Variants in CASK observed in about 807,000 individuals in gnomAD.
CASK encodes the protein calcium/calmodulin dependent serine protein kinase.
Under a neutral mutation model 82.9 loss-of-function variants are expected in CASK, and 4 were observed. That is an observed-to-expected ratio of 0.05 (90% CI 0.02 to 0.11). CASK has a LOEUF of 0.11. Among genes scored for constraint, CASK ranks in the 10% least tolerant of loss-of-function variants. CASK has a pLI of 1.00. For synonymous variants in CASK, 259 were observed against 253.5 expected (o/e 1.02, Z -0.20); for missense variants, 358 against 720.9 (o/e 0.50, Z 5.76).
At chrX:41,763,523 T>C (rs1482937334) in intron 3 of CASK, among the ~76,000 whole-genome samples, 3 of 110,078 alleles carry the variant, frequency 2.7e-5, no homozygotes, top group African/African-American at 9.9e-5. Flanking sequence ...ATTATCCGCG[T>C]GTGGTAGCGT....
chrX:41,740,902 G>T (rs1469268805), intron 4 of CASK, among the ~76,000 whole-genome samples: 1 of 111,975 alleles, frequency 8.9e-6, no homozygotes, highest in Non-Finnish European at 1.9e-5. Context: ...TATTTTTTGA[G>T]ATGGAGTTTC....
At position 41,626,599 on chromosome X, in the gene CASK, A is replaced by G. The variant is rs779564132; in HGVS notation, c.1015+5T>C. ...CACAGGTGAATAAGTGAATTATCCAATTACCTGAGGAGGTAGGGTCTTCGG... is the reference window on the plus strand; with the variant it reads ...CACAGGTGAATAAGTGAATTATCCAGTTACCTGAGGAGGTAGGGTCTTCGG... On this transcript the variant is annotated splice_donor_5th_base_variant and intron_variant, in intron 10 of 26. Coordinates refer to ENST00000378163, the MANE Select transcript of CASK (RefSeq NM_001367721.1). 1 of 1,109,068 alleles carries G rather than the reference A, an allele frequency of 9.0e-7. No individual in the cohort carries two copies. Among genetic ancestry groups the G allele is most frequent in the East Asian group, 3.0e-5 (1 of 33,402 alleles). The allele number at this position is 1,109,068 out of a possible 1,213,427, so 91.4% of individuals were successfully genotyped here. A position where few individuals can be genotyped will look rare whatever the true frequency, so the allele number is the denominator to read the frequency against.
chrX:41,919,314 A>G (rs1416379919), intron 1 of CASK: 4 of 112,037 alleles, frequency 3.6e-5, no homozygotes, highest in Non-Finnish European at 7.5e-5. Context: ...ATGCTGCATC[A>G]TTCCAATTTT....
chrX:41,717,342 A>C (rs953624945), intron 5 of CASK, among the ~76,000 whole-genome samples: 3 of 112,166 alleles, frequency 2.7e-5, no homozygotes, highest in Non-Finnish European at 5.6e-5. Context: ...GGCACCGAAA[A>C]TTTATTTCTA....
chrX:41,904,504 T>C (rs760450762), intron 1 of CASK, among the ~76,000 whole-genome samples: 7 of 112,385 alleles, frequency 6.2e-5, no homozygotes, highest in Non-Finnish European at 1.3e-4. Context: ...AAAACACTGC[T>C]GAGAGAAATT....
At chrX:41,743,462 T>TCTAC (rs2068629957) in intron 4 of CASK, 1 of 277,852 alleles carries the variant, frequency 3.6e-6, no homozygotes, top group Non-Finnish European at 6.3e-6. Flanking sequence ...TAGCTTTAGT[T>TCTAC]CTACCGCGTA....
intron 8 of CASK, among the ~76,000 whole-genome samples, chrX:41,639,050 T>C (rs2066603620): frequency 9.4e-6 from 1 of 106,354 alleles, no homozygotes; most frequent in Non-Finnish European, 1.9e-5. Flanking sequence ...ATTACAGAAC[T>C]AATAGGTAAA....
intron 6 of CASK, among the ~76,000 whole-genome samples, chrX:41,669,380 C>G (rs1399098711): frequency 9.0e-6 from 1 of 110,995 alleles, no homozygotes; most frequent in Non-Finnish European, 1.9e-5. Context: ...TTTTCCCCCC[C>G]AGTCAAGATG....
intron 2 of CASK, among the ~76,000 whole-genome samples, chrX:41,799,541 T>TC (rs1373156835): frequency 4.6e-5 from 5 of 108,476 alleles, no homozygotes; most frequent in African/African-American, 6.7e-5. Flanking sequence ...CAAGACTCTG[T>TC]CTCAGAAAAA....
chrX:41,760,129 G>T (rs1275233466), intron 3 of CASK, among the ~76,000 whole-genome samples: 4 of 111,814 alleles, frequency 3.6e-5, no homozygotes, highest in Non-Finnish European at 7.5e-5. Context: ...ATAATTTCCA[G>T]AAAAAAAGCA....
At chrX:41,846,024 A>G (rs2071148105) in intron 2 of CASK, among the ~76,000 whole-genome samples, 1 of 111,569 alleles carries the variant, frequency 9.0e-6, no homozygotes, top group Non-Finnish European at 1.9e-5. Context: ...AGGTTCCTCA[A>G]AAAACTAAAA....
chrX:41,742,631 A>G (rs967436315), intron 4 of CASK, among the ~76,000 whole-genome samples: 1 of 111,988 alleles, frequency 8.9e-6, no homozygotes, highest in Non-Finnish European at 1.9e-5. Context: ...GGTGTCTCAG[A>G]GTCTTCTTGC....
chrX:41,866,693 C>T (rs1263089258), intron 1 of CASK, among the ~76,000 whole-genome samples: 1 of 111,110 alleles, frequency 9.0e-6, no homozygotes, highest in African/African-American at 3.3e-5. Flanking sequence ...GTTGACAATC[C>T]CTATTACAGA....
rs182530144 is a variant in CASK at position 41,708,447 on chromosome X, G to C, written c.429+30937C>G. On this transcript the variant is annotated intron_variant, in intron 5 of 26. Coordinates refer to ENST00000378163, the MANE Select transcript of CASK (RefSeq NM_001367721.1). The stretch of plus-strand genomic sequence containing the variant: ...CTACCACTAGGATAACTGTAGTTGT[G>C]AATACTTTACAAAAGTAACTCTTGT... Among the ~76,000 whole-genome samples, 440 of 112,064 alleles carry C rather than the reference G, an allele frequency of 3.9e-3. 4 individuals carry two copies. The highest frequency in any genetic ancestry group is 0.028 in the Middle Eastern group (6 of 215).
intron 1 of CASK, among the ~76,000 whole-genome samples, chrX:41,899,681 T>C (rs1348062344): frequency 1.8e-5 from 2 of 111,913 alleles, no homozygotes; most frequent in Admixed American, 9.5e-5. Flanking sequence ...TCTGCCCCAC[T>C]ATTATTGATG....
chrX:41,559,870 G>C lies in CASK; in HGVS notation c.1669-23C>G, dbSNP rs747499171. 3.4e-6 allele frequency: 4 copies of C among 1,174,014 alleles called. No homozygotes were observed. In the South Asian group the frequency reaches 7.3e-5, roughly 21 times the overall value. On this transcript the variant is annotated intron_variant, in intron 17 of 26. Coordinates refer to ENST00000378163, the MANE Select transcript of CASK (RefSeq NM_001367721.1). The stretch of plus-strand genomic sequence containing the variant: ...CCTCTGGAGGGGGGGTGGTGGGAAA[G>C]AAAGAAAAGTTTTCTTACAAACAAT...
At chrX:41,748,178 T>TC (rs1359953913) in intron 3 of CASK, 1 of 112,949 alleles carries the variant, frequency 8.9e-6, no homozygotes, top group Non-Finnish European at 1.9e-5. Context: ...CAATAAGAAT[T>TC]TAGGCTCTTT....
chrX:41,649,249 C>G (rs2066820821), intron 8 of CASK, among the ~76,000 whole-genome samples: 1 of 111,295 alleles, frequency 9.0e-6, no homozygotes, highest in African/African-American at 3.3e-5. Flanking sequence ...GTCTCTATTT[C>G]CTTCAGTTCT....
intron 5 of CASK, among the ~76,000 whole-genome samples, chrX:41,678,824 T>C (rs2067307458): frequency 9.0e-6 from 1 of 111,655 alleles, no homozygotes; most frequent in African/African-American, 3.3e-5. Flanking sequence ...CTTTATCAAA[T>C]ATCTATCTCT....
Sources: allele counts gnomAD v4.1 joint callset (sites outside exome capture counted in the v4.1 genomes callset), GRCh38; gene constraint gnomAD v4.1.1; transcripts MANE v1.5; gene names NCBI Gene and HGNC (gene_info 2026-07-23, HGNC 2026-07-21).